TRMO: variants seen among roughly 807,000 people sequenced by gnomAD.
TRMO encodes tRNA (adenine(37)-N6)-methyltransferase.
A neutral mutation model predicts 37.2 loss-of-function variants in TRMO; 30 were observed. The observed-to-expected ratio is 0.81, with a 90% CI of 0.60 to 1.09. The LOEUF (loss-of-function observed/expected upper bound fraction) is 1.09, where lower values mean the gene tolerates loss of function less well. TRMO is among the 50% of genes least tolerant of loss of function. The pLI is 0.00. For synonymous variants in TRMO, 239 were observed against 199.4 expected (o/e 1.20, Z -1.67); for missense variants, 552 against 549.5 (o/e 1.00, Z -0.05).
chr9:97,898,830 T>C, the TRMO span, among the ~76,000 whole-genome samples: 6 of 119,986 alleles, frequency 5.0e-5, no homozygotes, highest in African/African-American at 6.9e-5. Flanking sequence ...TTTTCATATA[T>C]ATATATACTT....
chr9:97,912,965 T>A, intron 3 of TRMO: 2 of 1,301,160 alleles, frequency 1.5e-6, no homozygotes, highest in Non-Finnish European at 1.0e-6. Flanking sequence ...TATCTGTCCA[T>A]TTCCCCAAGG....
chr9:97,905,070 C>T (rs2131512628), intron 4 of TRMO, 78 bp from the exon 5 acceptor site: 1 of 1,497,596 alleles, frequency 6.7e-7, no homozygotes, highest in Non-Finnish European at 9.1e-7. Flanking sequence ...AATATGGAAT[C>T]TGGTTGGTTC....
chr9:97,899,586 T>C (rs1831121489), downstream of TRMO, among the ~76,000 whole-genome samples: 1 of 151,910 alleles, frequency 6.6e-6, no homozygotes, highest in Non-Finnish European at 1.5e-5. Context: ...AAAAAATATT[T>C]CTATAATTAA....
chr9:97,913,179 T>G, intron 3 of TRMO: 1 of 512,952 alleles, frequency 1.9e-6, no homozygotes, highest in Non-Finnish European at 3.6e-6. Context: ...GTTTTGGATA[T>G]ATGCAATAAT....
intron 1 of TRMO, among the ~76,000 whole-genome samples, chr9:97,919,251 C>A (rs970117590): frequency 6.6e-6 from 1 of 151,956 alleles, no homozygotes; most frequent in Non-Finnish European, 1.5e-5. Flanking sequence ...AAAAAAGACC[C>A]CTAGCCCAGC....
downstream of TRMO, chr9:97,900,747 T>C: frequency 1.0e-6 from 1 of 980,878 alleles, no homozygotes; most frequent in Non-Finnish European, 1.2e-6. Flanking sequence ...GGCTTTCATT[T>C]TTATTGAGTC....
intron 4 of TRMO, among the ~76,000 whole-genome samples, chr9:97,908,345 GA>G (rs1464524552): frequency 6.6e-6 from 1 of 150,550 alleles, no homozygotes; most frequent in African/African-American, 2.4e-5. Context: ...CCGGGAGGCG[GA>G]GCTTGCAGTG....
intron 1 of TRMO, among the ~76,000 whole-genome samples, chr9:97,920,696 C>A (rs1321455336): frequency 3.3e-5 from 5 of 152,210 alleles, no homozygotes; most frequent in South Asian, 2.1e-4. Context: ...ATTGTCTACA[C>A]GTCTTGCTCT....
At chr9:97,920,123 A>C (rs1047833284) in intron 1 of TRMO, among the ~76,000 whole-genome samples, 1 of 152,322 alleles carries the variant, frequency 6.6e-6, no homozygotes, top group Middle Eastern at 3.4e-3. Flanking sequence ...CAACAACAAA[A>C]ACCCAAAAGA....
downstream of TRMO, among the ~76,000 whole-genome samples, chr9:97,901,202 A>G (rs1446304700): frequency 1.3e-5 from 2 of 152,182 alleles, no homozygotes; most frequent in Non-Finnish European, 2.9e-5. Context: ...AGGCACCAAA[A>G]AGCAAAGGCT....
At chr9:97,898,838 C>CTTTT in the TRMO span, among the ~76,000 whole-genome samples, 2,792 of 88,790 alleles carry the variant, frequency 0.031, 410 homozygotes, top group African/African-American at 0.12. Context: ...TATATATATA[C>CTTTT]TTTTTTTTTT....
intron 4 of TRMO, among the ~76,000 whole-genome samples, chr9:97,907,098 T>C (rs938440644): frequency 2.0e-5 from 3 of 151,820 alleles, no homozygotes; most frequent in African/African-American, 7.3e-5. Flanking sequence ...AAAAGCTTTG[T>C]TTAAAAGTAA....
At chr9:97,898,108 G>GC in the TRMO span, among the ~76,000 whole-genome samples, 1 of 152,092 alleles carries the variant, frequency 6.6e-6, no homozygotes, top group Non-Finnish European at 1.5e-5. Context: ...TATGCCAAGT[G>GC]CCCCCCTCCA....
rs1381793292 is a variant in TRMO, at chr9:97,904,802, C to G, written c.1257G>C (p.Arg419Ser). 6.2e-7 allele frequency: 1 copy of G among 1,614,194 alleles called. No homozygotes were observed. The highest frequency in any genetic ancestry group is 1.1e-5 in the South Asian group (1 of 91,088). The change falls in exon 5 of 5, where the codon AGG becomes AGC. Residue 419 changes from arginine to serine, a missense_variant. Coordinates refer to ENST00000375119, the MANE Select transcript of TRMO (RefSeq NM_016481.5). ...WFGDGFAEVL[R>S]IKPASEPVHM... ...GAACAGGCTCAGAAGCCGGCTTGAT[C>G]CTCAGCACCTCTGCAAAGCCATCAC...
At chr9:97,918,610 C>G (rs1352020243) in intron 1 of TRMO, among the ~76,000 whole-genome samples, 2 of 152,156 alleles carry the variant, frequency 1.3e-5, no homozygotes, top group African/African-American at 4.8e-5. Flanking sequence ...ATCTACCCTA[C>G]CAGCATAAGC....
intron 3 of TRMO, chr9:97,911,029 T>C: frequency 2.2e-6 from 1 of 454,704 alleles, no homozygotes. Flanking sequence ...TTTGTATCAC[T>C]GGTGCTTCTG....
intron 2 of TRMO, among the ~76,000 whole-genome samples, chr9:97,915,020 G>A (rs1299104140): frequency 2.0e-5 from 3 of 152,144 alleles, no homozygotes; most frequent in African/African-American, 7.2e-5. Context: ...AACTAGGTCA[G>A]AACATACATT....
chr9:97,914,874 T>A (rs1587838761), intron 2 of TRMO, among the ~76,000 whole-genome samples: 1 of 152,294 alleles, frequency 6.6e-6, no homozygotes, highest in South Asian at 2.1e-4. Flanking sequence ...TAATAAGCTC[T>A]GATGAGTGGT....
chr9:97,904,650 G>A lies in TRMO; in HGVS notation c.*83C>T, dbSNP rs2131511532. On this transcript the variant is annotated 3_prime_UTR_variant, in exon 5 of 5. Coordinates refer to ENST00000375119, the MANE Select transcript of TRMO (RefSeq NM_016481.5). The stretch of plus-strand genomic sequence containing the variant: ...ATGAGATCACAAAGTGTTGCTTCTC[G>A]ACACAACATTAGCTTGTTCAGAAAA... 1.3e-6 allele frequency: 2 copies of A among 1,557,858 alleles called. No individual in the cohort carries two copies. The highest frequency in any genetic ancestry group is 1.7e-6 in the Non-Finnish European group (2 of 1,154,062).
Sources: allele counts gnomAD v4.1 joint callset (sites outside exome capture counted in the v4.1 genomes callset), GRCh38; gene constraint gnomAD v4.1.1; transcripts MANE v1.5; gene names NCBI Gene and HGNC (gene_info 2026-07-23, HGNC 2026-07-21).